Variants in DENND2A observed in about 807,000 individuals in gnomAD.
The protein encoded by DENND2A is DENN domain-containing protein 2A.
Under a neutral mutation model 105.3 loss-of-function variants are expected in DENND2A, and 53 were observed. That is an observed-to-expected ratio of 0.50 (90% CI 0.40 to 0.63). DENND2A has a LOEUF of 0.63. Ranked by LOEUF, DENND2A falls within the 30% of genes least tolerant of loss-of-function variation. The probability of loss-of-function intolerance (pLI) is 0.00; values close to 1 mark genes in which losing one functional copy is unlikely to be tolerated. For missense variants in DENND2A, 1,138 were observed against 1,279.6 expected, an observed-to-expected ratio of 0.89 and a Z score of 1.69; for synonymous variants, 522 against 508.4, an observed-to-expected ratio of 1.03 and a Z score of -0.36.
chr7:140,623,441 T>C (rs1800377826), intron 1 of DENND2A, among the ~76,000 whole-genome samples: 1 of 146,828 alleles, frequency 6.8e-6, no homozygotes, highest in Admixed American at 6.8e-5. Context: ...CTAAAGAGCG[T>C]ATGGAGGGCT....
chr7:140,592,627 T>C (rs964252260), intron 3 of DENND2A, among the ~76,000 whole-genome samples: 1 of 149,680 alleles, frequency 6.7e-6, no homozygotes, highest in African/African-American at 2.5e-5. Flanking sequence ...TGAGACAGAG[T>C]CTGGCTCTGT....
chr7:140,522,827 C>T (rs376616807), intron 17 of DENND2A, among the ~76,000 whole-genome samples: 11 of 151,928 alleles, frequency 7.2e-5, no homozygotes, highest in Middle Eastern at 3.4e-3. Context: ...AGGCTGGTTT[C>T]GAACTCTTGA....
At chr7:140,615,986 T>G (rs1800071655) in intron 1 of DENND2A, among the ~76,000 whole-genome samples, 1 of 152,192 alleles carries the variant, frequency 6.6e-6, no homozygotes, top group South Asian at 2.1e-4. Context: ...ACAACATGGA[T>G]GAACCCTGAA....
At chr7:140,616,989 C>G (rs1158380834) in intron 1 of DENND2A, among the ~76,000 whole-genome samples, 1 of 152,200 alleles carries the variant, frequency 6.6e-6, no homozygotes. Flanking sequence ...TCCTGAGTAG[C>G]TGGGACTCCT....
rs562861355 is a variant in DENND2A, at chr7:140,620,996, GAT to G, written c.-247-15192_-247-15191del. The stretch of plus-strand genomic sequence containing the variant: ...TCCCATAAAAATGGCATAGTATTTG[GAT>G]ATAACCTATGTACATCCTCCCATAT... On this transcript the variant is annotated intron_variant, in intron 1 of 19. Transcript: ENST00000496613. 8.5e-5 allele frequency among the ~76,000 whole-genome samples: 13 copies of G among 152,212 alleles called. No individual in the cohort carries two copies. The South Asian group carries it at 1.5e-3, about 17-fold the overall frequency.
At chr7:140,526,993 A>C (rs1796078130) in intron 15 of DENND2A, among the ~76,000 whole-genome samples, 2 of 152,060 alleles carry the variant, frequency 1.3e-5, no homozygotes, top group African/African-American at 4.8e-5. Context: ...AATGTGGGGG[A>C]GTGGGCGAGA....
At chr7:140,639,400 C>T (rs541181377) in intron 1 of DENND2A, among the ~76,000 whole-genome samples, 3 of 152,140 alleles carry the variant, frequency 2.0e-5, no homozygotes, top group African/African-American at 2.4e-5. Flanking sequence ...GCCAGCCTCC[C>T]GCCAGCCTTT....
chr7:140,569,219 G>A (rs1797991086), intron 7 of DENND2A, among the ~76,000 whole-genome samples: 2 of 152,252 alleles, frequency 1.3e-5, no homozygotes, highest in African/African-American at 2.4e-5. Context: ...GAGCCACCGC[G>A]CCCCGCCTCT....
intron 3 of DENND2A, among the ~76,000 whole-genome samples, chr7:140,600,417 G>T (rs1563169287): frequency 6.6e-6 from 1 of 152,016 alleles, no homozygotes; most frequent in Non-Finnish European, 1.5e-5. Flanking sequence ...GTGGGGATAG[G>T]TTCGGGGTGT....
At position 140,523,749 on chromosome 7, in the gene DENND2A, T is replaced by C. The variant is rs1309460800; in HGVS notation, c.2548-325A>G. The stretch of plus-strand genomic sequence containing the variant: ...GCCACCGCTCCTGGCTAATGTTTTG[T>C]ATTTTTAGTAGTTTAGTTTCACCAT... On this transcript the variant is annotated intron_variant, in intron 16 of 19. Coordinates refer to ENST00000496613, the MANE Select transcript of DENND2A (RefSeq NM_015689.5). The surrounding 1 kb of genome is among the most constrained non-coding windows in gnomAD (Gnocchi z 4.5). 6.6e-6 allele frequency among the ~76,000 whole-genome samples: 1 copy of C among 152,340 alleles called. No homozygotes were observed. The highest frequency in any genetic ancestry group is 2.1e-4 in the South Asian group (1 of 4,830).
At position 140,529,782 on chromosome 7, in the gene DENND2A, G is replaced by A. The variant is rs779665726; in HGVS notation, c.2328-2287C>T. Among the ~76,000 whole-genome samples the A allele has an allele frequency of 3.3e-5, 5 of 151,914 alleles. No individual in the cohort carries two copies. In the East Asian group the frequency reaches 5.8e-4, roughly 18 times the overall value. ...CACAGGAAGGGGAACATCACACACC[G>A]GGGCCTGTTGTGGGGTAGGGGGACG... On this transcript the variant is annotated intron_variant, in intron 14 of 19. Transcript: ENST00000496613.
chr7:140,608,071 G>A (rs1055812202), intron 1 of DENND2A, among the ~76,000 whole-genome samples: 6 of 152,158 alleles, frequency 3.9e-5, no homozygotes, highest in African/African-American at 1.4e-4. Context: ...CCACTGTGTC[G>A]AATGCACAGA....
At chr7:140,575,530 T>C (rs779687385) in intron 5 of DENND2A, among the ~76,000 whole-genome samples, 26 of 152,206 alleles carry the variant, frequency 1.7e-4, no homozygotes, top group Non-Finnish European at 3.5e-4. Flanking sequence ...CAAGGAAACA[T>C]ATTGTGCAAA....
At chr7:140,595,652 G>A (rs1268129913) in intron 3 of DENND2A, among the ~76,000 whole-genome samples, 2 of 151,940 alleles carry the variant, frequency 1.3e-5, no homozygotes, top group East Asian at 1.9e-4. Flanking sequence ...GCCTGTGGTC[G>A]CAACTACTCC....
At position 140,518,874 on chromosome 7, in the gene DENND2A, A is replaced by G. The variant is rs1795753116; in HGVS notation, c.2999-136T>C. ...CAGGGAGCCTCATCCCTTGCTCTGG[A>G]GAAGCCAAAGGGGCTTTGTTCTTTC... On this transcript the variant is annotated intron_variant, in intron 19 of 19. Coordinates refer to ENST00000496613, the MANE Select transcript of DENND2A (RefSeq NM_015689.5). 3 of 715,310 alleles carry G rather than the reference A, an allele frequency of 4.2e-6. No individual in the cohort carries two copies. In the South Asian group the frequency reaches 5.2e-5, roughly 12 times the overall value. The allele number at this position is 715,310 out of a possible 1,614,324, so 44.3% of individuals were successfully genotyped here.
At chr7:140,581,418 T>A (rs533759935) in intron 5 of DENND2A, among the ~76,000 whole-genome samples, 2 of 152,294 alleles carry the variant, frequency 1.3e-5, no homozygotes, top group Admixed American at 1.3e-4. Flanking sequence ...CCCTTCCCTC[T>A]CGAATGGAAA....
At chr7:140,617,897 G>A (rs915448237) in intron 1 of DENND2A, among the ~76,000 whole-genome samples, 2 of 152,100 alleles carry the variant, frequency 1.3e-5, no homozygotes, top group East Asian at 1.9e-4. Context: ...TCATAAACCC[G>A]GGAAGGATTT....
chr7:140,637,852 C>G (rs535449432), intron 1 of DENND2A, among the ~76,000 whole-genome samples: 141 of 152,222 alleles, frequency 9.3e-4, no homozygotes, highest in African/African-American at 3.2e-3. Context: ...GGTTGAGCAC[C>G]CCGGACGCCT....
Position 140,601,844 on chromosome 7 carries a change from C to T in DENND2A, c.554G>A (p.Cys185Tyr). 6.2e-7 allele frequency: 1 copy of T among 1,614,124 alleles called. No homozygotes were observed. The highest frequency in any genetic ancestry group is 8.5e-7 in the Non-Finnish European group (1 of 1,180,030). Residue 185 changes from cysteine (C) to tyrosine (Y), a missense_variant, in exon 3 of 20, where the codon TGT becomes TAT. This residue lies in a region of DENND2A where 511 missense variants were observed against 499.9 expected (regional missense o/e 1.02). Coordinates refer to ENST00000496613, the MANE Select transcript of DENND2A (RefSeq NM_015689.5). ...AGLDPQLPGT[C>Y]YSPHCPPDKA... is the part of the protein sequence containing the mutation. Reference sequence around the variant, plus strand: ...GTCAGGAGGGCAGTGTGGGGAGTAACAAGTCCCTGGTAACTGGGGATCCAG... The same window carrying T: ...GTCAGGAGGGCAGTGTGGGGAGTAATAAGTCCCTGGTAACTGGGGATCCAG...
Sources: gnomAD v4.1 joint callset for allele counts (sites outside exome capture counted in the v4.1 genomes callset) on GRCh38, gnomAD v4.1.1 for gene constraint, gnomAD v4.1.1 regional missense constraint, Gnocchi (gnomAD v3.1) non-coding constraint, MANE v1.5 for transcripts, NCBI Gene and HGNC (gene_info 2026-07-23, HGNC 2026-07-21) for gene names.